HTRA3: variants seen among roughly 807,000 people sequenced by gnomAD.
HTRA3 encodes the protein HtrA serine peptidase 3, also known as serine protease HTRA3.
In HTRA3, 41 loss-of-function variants were observed where a neutral mutation model predicts 43.2. That is an observed-to-expected ratio of 0.95 (90% CI 0.74 to 1.23). HTRA3 has a LOEUF of 1.23. HTRA3 is among the 50% of genes most tolerant of loss of function. The pLI, the probability that HTRA3 is intolerant of heterozygous loss-of-function variation, is 0.00. For synonymous variants in HTRA3, 295 were observed against 287.9 expected (o/e 1.02, Z -0.25); for missense variants, 628 against 647.1 (o/e 0.97, Z 0.32).
At chr4:8,294,618 AT>A (rs1713375687) in intron 6 of HTRA3, among the ~76,000 whole-genome samples, 1 of 286 alleles carries the variant, frequency 3.5e-3, no homozygotes, top group Admixed American at 0.019. Flanking sequence ...CCATCCATCC[AT>A]CCATCCATCC....
rs1243830310 is a variant in HTRA3 at position 8,294,103 on chromosome 4, G to A, written c.953G>A (p.Gly318Asp). Residue 318 changes from glycine (G) to aspartate (D), a missense_variant, in exon 6 of 9, where the codon GGC becomes GAC. Gly to Asp is a moderately conservative substitution (Grantham distance 94). Transcript: ENST00000307358. ...CCTGCCCAGGATGGCGAGGTCATTG[G>A]CATCAACACGCTCAAGGTCACGGCT... Reference protein sequence around the residue: ...PLVNLDGEVIGINTLKVTAGI... With the variant: ...PLVNLDGEVIDINTLKVTAGI... 4 of 1,610,698 alleles carry A rather than the reference G, an allele frequency of 2.5e-6. No individual in the cohort carries two copies. The highest frequency in any genetic ancestry group is 3.4e-6 in the Non-Finnish European group (4 of 1,178,420).
intron 6 of HTRA3, among the ~76,000 whole-genome samples, chr4:8,299,407 T>C (rs1713561190): frequency 6.6e-6 from 1 of 152,364 alleles, no homozygotes; most frequent in African/African-American, 2.4e-5. Context: ...TCAGATTTCC[T>C]ACATAGATGG....
chr4:8,293,683 C>T (rs1000172930), intron 5 of HTRA3, among the ~76,000 whole-genome samples: 2 of 152,092 alleles, frequency 1.3e-5, no homozygotes, highest in African/African-American at 4.8e-5. Flanking sequence ...CACCTGCCAG[C>T]CCCCCACTTC....
intron 6 of HTRA3, among the ~76,000 whole-genome samples, chr4:8,301,582 A>T (rs1713658408): frequency 6.6e-6 from 1 of 151,978 alleles, no homozygotes; most frequent in Non-Finnish European, 1.5e-5. Context: ...TGGTTATTCT[A>T]GGTTTTATTT....
chr4:8,304,171 A>G lies in HTRA3; in HGVS notation c.1101-13A>G. ...GGCTCAGGGGAGGGGCCTTGACGGC[A>G]GACTCTTTCCAGCCTGGTGGATGAG... On this transcript the variant is annotated splice_polypyrimidine_tract_variant and intron_variant, in intron 7 of 8. Transcript: ENST00000307358. 6.2e-7 allele frequency: 1 copy of G among 1,612,262 alleles called. No homozygotes were observed. Among genetic ancestry groups the G allele is most frequent in the Non-Finnish European group, 8.5e-7 (1 of 1,178,364 alleles).
Position 8,274,465 on chromosome 4 carries a change from C to A in HTRA3, c.385+4112C>A. ...ATCTCCTCCAGGCTCGAAGCCTCGC[C>A]GGGCAGGGGCCTGGGCCAGTGCGTG... On this transcript the variant is annotated intron_variant, in intron 1 of 8. Coordinates refer to ENST00000307358, the MANE Select transcript of HTRA3 (RefSeq NM_053044.5). Among the ~76,000 whole-genome samples, 4 of 152,350 alleles carry A rather than the reference C, an allele frequency of 2.6e-5. 1 individual carries two copies. The Middle Eastern group carries it at 0.014, about 518-fold the overall frequency.
rs964896653 is a variant in HTRA3 at position 8,297,382 on chromosome 4, G to A, written c.1051+3181G>A. ...TTTCCCGCCCGCACAGTGGGTCTAA[G>A]TCAGAGGGGACCACAGTCATTGTTC... On this transcript the variant is annotated intron_variant, in intron 6 of 8. Coordinates refer to ENST00000307358, the MANE Select transcript of HTRA3 (RefSeq NM_053044.5). This position sits in a 1 kb window ranked among gnomAD's most constrained non-coding sequence, Gnocchi z 5.8. 1.3e-4 allele frequency among the ~76,000 whole-genome samples: 20 copies of A among 152,314 alleles called. No individual in the cohort carries two copies. Among genetic ancestry groups the A allele is most frequent in the African/African-American group, 4.3e-4 (18 of 41,574 alleles).
intron 1 of HTRA3, among the ~76,000 whole-genome samples, chr4:8,272,549 G>A (rs1357273985): frequency 2.0e-5 from 3 of 152,232 alleles, no homozygotes; most frequent in Non-Finnish European, 4.4e-5. Flanking sequence ...TGCCAGACAC[G>A]AAGGCACACG....
intron 8 of HTRA3, among the ~76,000 whole-genome samples, chr4:8,305,251 G>A (rs555263668): frequency 6.6e-6 from 1 of 152,392 alleles, no homozygotes; most frequent in East Asian, 1.9e-4. Flanking sequence ...GGCCCCGCGT[G>A]AACTTCTGTG....
chr4:8,289,405 G>T (rs1215368811), intron 3 of HTRA3, among the ~76,000 whole-genome samples: 2 of 152,256 alleles, frequency 1.3e-5, no homozygotes, highest in Non-Finnish European at 2.9e-5. Context: ...CACAAAACAG[G>T]CAATGGACAG....
At chr4:8,293,338 A>G (rs899351764) in intron 5 of HTRA3, among the ~76,000 whole-genome samples, 1 of 152,188 alleles carries the variant, frequency 6.6e-6, no homozygotes, top group African/African-American at 2.4e-5. Context: ...CCGAGGGTGG[A>G]CACAGAACTC....
intron 4 of HTRA3, 86 bp downstream of exon 4, chr4:8,291,650 C>T: frequency 9.7e-7 from 1 of 1,030,784 alleles, no homozygotes; most frequent in Non-Finnish European, 1.4e-6. Flanking sequence ...CGGCTTGCCC[C>T]CCTCCCCAGA....
intron 2 of HTRA3, among the ~76,000 whole-genome samples, chr4:8,285,291 C>T (rs146765823): frequency 2.2e-4 from 33 of 152,320 alleles, no homozygotes; most frequent in African/African-American, 7.5e-4. Context: ...CACCACAGCA[C>T]CCCCCTTGCA....
At chr4:8,302,951 C>G (rs1274618871) in intron 7 of HTRA3, among the ~76,000 whole-genome samples, 1 of 152,216 alleles carries the variant, frequency 6.6e-6, no homozygotes, top group Non-Finnish European at 1.5e-5. Flanking sequence ...CTACCTCTGT[C>G]TTCACTTGAC....
In HTRA3 at chr4:8,286,885, A is replaced by T. The variant is rs7678420; in HGVS notation, c.708+102A>T. 3 of 861,782 alleles carry T rather than the reference A, an allele frequency of 3.5e-6. No individual in the cohort carries two copies. Among genetic ancestry groups the T allele is most frequent in the Non-Finnish European group, 5.5e-6 (3 of 547,660 alleles). The allele number at this position is 861,782 out of a possible 1,614,324, so 53.4% of individuals were successfully genotyped here. On this transcript the variant is annotated intron_variant, in intron 3 of 8. Coordinates refer to ENST00000307358, the MANE Select transcript of HTRA3 (RefSeq NM_053044.5). The surrounding 1 kb of genome is among the most constrained non-coding windows in gnomAD (Gnocchi z 4.9). ...AGGCAAGCTAGCCCCACCTTCCATC[A>T]GCCAGGGGGAGGAAACTGGGCCCAG...
intron 3 of HTRA3, among the ~76,000 whole-genome samples, chr4:8,290,658 C>T (rs543586222): frequency 2.6e-5 from 4 of 152,196 alleles, no homozygotes; most frequent in Non-Finnish European, 5.9e-5. Context: ...AACAAGCACC[C>T]GGGATTACCT....
intron 3 of HTRA3, among the ~76,000 whole-genome samples, chr4:8,290,353 G>A (rs376829688): frequency 2.0e-5 from 3 of 152,242 alleles, no homozygotes; most frequent in African/African-American, 2.4e-5. Context: ...GGACTGAAAC[G>A]ATGAGAAGGA....
chr4:8,292,438 C>G, intron 5 of HTRA3, 85 bp downstream of exon 5: 2 of 1,122,514 alleles, frequency 1.8e-6, no homozygotes, highest in Non-Finnish European at 2.7e-6. Context: ...GGGACAGGGC[C>G]CACAATATGG....
chr4:8,303,824 C>A (rs1379010745), intron 7 of HTRA3, among the ~76,000 whole-genome samples: 1 of 136,422 alleles, frequency 7.3e-6, no homozygotes. Flanking sequence ...TCAGCATTGT[C>A]TGTCCATTCC....
Sources: gnomAD v4.1 joint callset for allele counts (sites outside exome capture counted in the v4.1 genomes callset) on GRCh38, gnomAD v4.1.1 for gene constraint, Gnocchi (gnomAD v3.1) non-coding constraint, MANE v1.5 for transcripts, NCBI Gene and HGNC (gene_info 2026-07-23, HGNC 2026-07-21) for gene names.